Variants in CCDC7 observed in about 807,000 individuals in gnomAD.
The protein encoded by CCDC7 is coiled-coil domain containing 7.
Under a neutral mutation model 196.9 loss-of-function variants are expected in CCDC7, and 183 were observed. The observed-to-expected ratio is 0.93, with a 90% CI of 0.82 to 1.05. CCDC7 has a LOEUF of 1.05. Ranked by LOEUF, CCDC7 falls within the 50% of genes least tolerant of loss-of-function variation. The probability of loss-of-function intolerance (pLI) is 0.00; values close to 1 mark genes in which losing one functional copy is unlikely to be tolerated. For synonymous variants in CCDC7, 525 were observed against 484.6 expected (o/e 1.08, Z -1.10); for missense variants, 1,540 against 1,482.2 (o/e 1.04, Z -0.64).
intron 30 of CCDC7, among the ~76,000 whole-genome samples, chr10:32,807,593 C>T (rs890248246): frequency 6.6e-6 from 1 of 151,936 alleles, no homozygotes; most frequent in African/African-American, 2.4e-5. Flanking sequence ...AGGCAGCTGA[C>T]CTAAGTAGGA....
chr10:32,708,450 C>T (rs1011815012), intron 24 of CCDC7, among the ~76,000 whole-genome samples: 19 of 152,124 alleles, frequency 1.2e-4, no homozygotes, highest in East Asian at 7.7e-4. Context: ...GCAATGGCAA[C>T]GAAAGCCAAA....
intron 28 of CCDC7, among the ~76,000 whole-genome samples, chr10:32,747,313 A>G (rs2074940515): frequency 6.6e-6 from 1 of 152,244 alleles, no homozygotes; most frequent in South Asian, 2.1e-4. Flanking sequence ...CCTGGCAAAG[A>G]TTTCATAACA....
At chr10:32,561,488 T>A (rs2055618808) in intron 13 of CCDC7, among the ~76,000 whole-genome samples, 1 of 152,170 alleles carries the variant, frequency 6.6e-6, no homozygotes, top group Non-Finnish European at 1.5e-5. Flanking sequence ...AACTCAGGAT[T>A]AACAAACTCA....
In CCDC7 at chr10:32,643,700, A is replaced by G. The variant is rs982858224; in HGVS notation, c.2014+8542A>G. 1.4e-4 allele frequency among the ~76,000 whole-genome samples: 22 copies of G among 152,098 alleles called. 1 individual carries two copies. Among genetic ancestry groups the G allele is most frequent in the Admixed American group, 2.6e-4 (4 of 15,284 alleles). On this transcript the variant is annotated intron_variant, in intron 20 of 41. Transcript: ENST00000639629. ...AAAAGATTAATACTCTTGGAAAAAT[A>G]AAATTGACTTTCAACTTTTTAAGTG... is the stretch of plus-strand genomic sequence containing the variant.
rs567973234 is a variant in CCDC7 at position 32,625,831 on chromosome 10, T to C, written c.1802-8423T>C. ...AAGTGAAAACATGTGGTATTTGTCT[T>C]TCTGTGCTTGGCTTATTTCACTTAG... is the stretch of plus-strand genomic sequence containing the variant. On this transcript the variant is annotated intron_variant, in intron 18 of 41. Coordinates refer to ENST00000639629, the Ensembl canonical transcript of CCDC7. Among the ~76,000 whole-genome samples, 5 of 152,236 alleles carry C rather than the reference T, an allele frequency of 3.3e-5. No individual in the cohort carries two copies. In the South Asian group the frequency reaches 1.0e-3, roughly 32 times the overall value.
chr10:32,595,324 G>T (rs1485064068), intron 18 of CCDC7, among the ~76,000 whole-genome samples: 1 of 152,186 alleles, frequency 6.6e-6, no homozygotes, highest in Admixed American at 6.5e-5. Flanking sequence ...AGATTTTCTA[G>T]TTTATTTGCG....
chr10:32,443,928 T>C (rs1310681026), upstream of CCDC7, among the ~76,000 whole-genome samples: 1 of 152,236 alleles, frequency 6.6e-6, no homozygotes, highest in Non-Finnish European at 1.5e-5. Flanking sequence ...TTGGGTCTTC[T>C]AATCCATTAA....
chr10:32,669,298 A>T (rs1041409605), intron 21 of CCDC7, among the ~76,000 whole-genome samples: 1 of 152,068 alleles, frequency 6.6e-6, no homozygotes, highest in Non-Finnish European at 1.5e-5. Context: ...TTAGTTTGTT[A>T]GTATTTTGTT....
At chr10:32,567,971 A>ATATGTTAT in intron 15 of CCDC7, 80 bp downstream of exon 16, 5 of 1,289,780 alleles carry the variant, frequency 3.9e-6, no homozygotes, top group African/African-American at 1.5e-5. Context: ...CTTCATTTGT[A>ATATGTTAT]TATGTTATTT....
chr10:32,661,749 A>G (rs746306701), intron 20 of CCDC7, among the ~76,000 whole-genome samples: 76 of 152,214 alleles, frequency 5.0e-4, no homozygotes, highest in Non-Finnish European at 8.5e-4. Context: ...GCTGGTATCC[A>G]AGATACAAGA....
chr10:32,881,846 C>T (rs570597959), downstream of CCDC7, among the ~76,000 whole-genome samples: 10 of 152,200 alleles, frequency 6.6e-5, no homozygotes, highest in African/African-American at 2.2e-4. Flanking sequence ...GATACAATCT[C>T]GCCTGTGAGA....
chr10:32,568,529 G>T (rs796937885), intron 15 of CCDC7, among the ~76,000 whole-genome samples: 4 of 151,948 alleles, frequency 2.6e-5, no homozygotes, highest in Non-Finnish European at 4.4e-5. Flanking sequence ...TTCTCCGAGG[G>T]CAATAAAAAT....
intron 11 of CCDC7, among the ~76,000 whole-genome samples, chr10:32,519,135 GA>G (rs1440054449): frequency 6.6e-6 from 1 of 152,154 alleles, no homozygotes; most frequent in Non-Finnish European, 1.5e-5. Context: ...ATCAGTTAGA[GA>G]AGGAGTAGTC....
intron 28 of CCDC7, among the ~76,000 whole-genome samples, chr10:32,761,762 T>C (rs900921148): frequency 2.0e-5 from 3 of 151,962 alleles, no homozygotes; most frequent in African/African-American, 7.2e-5. Context: ...TCGATTAGGA[T>C]AGAACAAAAT....
Position 32,583,326 on chromosome 10 carries a change from C to T in CCDC7, c.1728+19C>T. On this transcript the variant is annotated intron_variant, in intron 17 of 41. Coordinates refer to ENST00000639629, the Ensembl canonical transcript of CCDC7. ...TAAAAAGGTATGATATATATAGAAA[C>T]TTGAAAGCTGTTTATTTCATATTGC... The T allele has an allele frequency of 8.2e-7, 1 of 1,213,470 alleles. No individual in the cohort carries two copies. The highest frequency in any genetic ancestry group is 3.2e-5 in the East Asian group (1 of 31,438). 75.2% of individuals were successfully genotyped at this position (1,213,470 alleles called of 1,614,324 possible).
At chr10:32,827,035 G>T (rs1009940550) in intron 32 of CCDC7, among the ~76,000 whole-genome samples, 1 of 152,208 alleles carries the variant, frequency 6.6e-6, no homozygotes, top group Non-Finnish European at 1.5e-5. Context: ...GAAGATATTT[G>T]TATCCCATGT....
At chr10:32,803,831 G>C (rs904054626) in intron 29 of CCDC7, among the ~76,000 whole-genome samples, 2 of 151,952 alleles carry the variant, frequency 1.3e-5, no homozygotes, top group Non-Finnish European at 2.9e-5. Context: ...TTTGTAATTG[G>C]TGGCTTTTTA....
At chr10:32,783,569 C>T (rs1008453673) in intron 29 of CCDC7, among the ~76,000 whole-genome samples, 1 of 152,142 alleles carries the variant, frequency 6.6e-6, no homozygotes, top group Non-Finnish European at 1.5e-5. Context: ...GAATGTAAAA[C>T]TGTCACTGCT....
intron 21 of CCDC7, among the ~76,000 whole-genome samples, chr10:32,683,548 T>G (rs531895438): frequency 1.6e-4 from 25 of 152,362 alleles, no homozygotes; most frequent in Non-Finnish European, 2.8e-4. Flanking sequence ...TAGCATAGAA[T>G]ATGTAAATTG....
Sources: gnomAD v4.1 joint callset for allele counts (sites outside exome capture counted in the v4.1 genomes callset) on GRCh38, gnomAD v4.1.1 for gene constraint, MANE v1.5 for transcripts, NCBI Gene and HGNC (gene_info 2026-07-23, HGNC 2026-07-21) for gene names.